SH3GL2: variants seen among roughly 807,000 people sequenced by gnomAD.
SH3GL2 encodes endophilin-A1.
SH3GL2 carries 24 observed loss-of-function variants against 46.0 expected under a neutral mutation model. The ratio of observed to expected loss-of-function variants is 0.52; its 90% CI spans 0.38 to 0.73. The LOEUF (loss-of-function observed/expected upper bound fraction) is 0.73, where lower values mean the gene tolerates loss of function less well. SH3GL2 is among the 30% of genes least tolerant of loss of function. The pLI, the probability that SH3GL2 is intolerant of heterozygous loss-of-function variation, is 0.00. For synonymous variants in SH3GL2, 196 were observed against 147.1 expected (o/e 1.33, Z -2.40); for missense variants, 413 against 424.2 (o/e 0.97, Z 0.23).
intron 1 of SH3GL2, among the ~76,000 whole-genome samples, chr9:17,682,334 A>G (rs758080313): frequency 6.6e-6 from 1 of 152,226 alleles, no homozygotes; most frequent in African/African-American, 2.4e-5. Context: ...GGTAGACTGG[A>G]TAAAGCAAAT....
intron 1 of SH3GL2, among the ~76,000 whole-genome samples, chr9:17,691,801 G>T (rs1227952118): frequency 6.6e-6 from 1 of 152,018 alleles, no homozygotes; most frequent in South Asian, 2.1e-4. Flanking sequence ...TATCTTGTCA[G>T]TATTTGATTT....
chr9:17,678,711 C>G (rs1306232160), intron 1 of SH3GL2, among the ~76,000 whole-genome samples: 1 of 152,132 alleles, frequency 6.6e-6, no homozygotes, highest in Non-Finnish European at 1.5e-5. Flanking sequence ...TTGCCCATGC[C>G]CATGTCCTGA....
chr9:17,732,084 G>C (rs1822200351), intron 1 of SH3GL2, among the ~76,000 whole-genome samples: 2 of 152,160 alleles, frequency 1.3e-5, no homozygotes, highest in African/African-American at 2.4e-5. Flanking sequence ...AATGACATGA[G>C]TGTTGAGTAG....
At chr9:17,762,122 TAGCAAAGCAA>T (rs375228746) in intron 3 of SH3GL2, among the ~76,000 whole-genome samples, 1 of 152,108 alleles carries the variant, frequency 6.6e-6, no homozygotes, top group African/African-American at 2.4e-5. Flanking sequence ...GCACTAGGTA[TAGCAAAGCAA>T]AGCAAAGCAA....
At chr9:17,634,113 C>A (rs1588191478) in intron 1 of SH3GL2, among the ~76,000 whole-genome samples, 1 of 152,130 alleles carries the variant, frequency 6.6e-6, no homozygotes, top group South Asian at 2.1e-4. Flanking sequence ...GAACTTTGGG[C>A]TCTTGAAGGG....
chr9:17,593,566 AC>A, intron 1 of SH3GL2, among the ~76,000 whole-genome samples: 1 of 152,332 alleles, frequency 6.6e-6, no homozygotes, highest in East Asian at 1.9e-4. Context: ...ACAAGAATGT[AC>A]CAACTGTCTT....
chr9:17,667,989 T>G (rs570346893), intron 1 of SH3GL2, among the ~76,000 whole-genome samples: 49 of 152,228 alleles, frequency 3.2e-4, no homozygotes, highest in Non-Finnish European at 6.5e-4. Flanking sequence ...TTTGCCCATT[T>G]TAAATATTGA....
At chr9:17,588,837 A>C (rs916871444) in intron 1 of SH3GL2, among the ~76,000 whole-genome samples, 1 of 152,230 alleles carries the variant, frequency 6.6e-6, no homozygotes, top group African/African-American at 2.4e-5. Context: ...ACAACAGCTG[A>C]AAATGAAGAG....
chr9:17,755,744 T>C lies in SH3GL2; in HGVS notation c.115-5693T>C, dbSNP rs549131364. ...AATAGTATGAAATCATATCTTTCAGTCCTTTTGTTGCTCCACAAACAACGC... is the reference window on the plus strand; with the variant it reads ...AATAGTATGAAATCATATCTTTCAGCCCTTTTGTTGCTCCACAAACAACGC... On this transcript the variant is annotated intron_variant, in intron 2 of 8. Coordinates refer to ENST00000380607, the MANE Select transcript of SH3GL2 (RefSeq NM_003026.5). 1.3e-5 allele frequency: 13 copies of C among 982,202 alleles called. No homozygotes were observed. In the East Asian group the frequency reaches 1.4e-3, roughly 103 times the overall value. 60.8% of individuals were successfully genotyped at this position (982,202 alleles called of 1,614,324 possible). A position where few individuals can be genotyped will look rare whatever the true frequency, so the allele number is the denominator to read the frequency against.
chr9:17,727,505 A>C (rs1038599425), intron 1 of SH3GL2, among the ~76,000 whole-genome samples: 1 of 152,150 alleles, frequency 6.6e-6, no homozygotes, highest in Non-Finnish European at 1.5e-5. Context: ...CATGCCCTCC[A>C]TGCCCTCCAG....
intron 1 of SH3GL2, among the ~76,000 whole-genome samples, chr9:17,732,558 G>A (rs1469482797): frequency 2.0e-5 from 3 of 152,076 alleles, no homozygotes; most frequent in Non-Finnish European, 2.9e-5. Flanking sequence ...TATAAACAAC[G>A]ATAGTTTAAA....
chr9:17,733,373 C>A (rs193179439), intron 1 of SH3GL2, among the ~76,000 whole-genome samples: 251 of 151,752 alleles, frequency 1.7e-3, no homozygotes, highest in Middle Eastern at 6.8e-3. Flanking sequence ...TGTGCTGCAC[C>A]CACTAACTTG....
chr9:17,749,570 TC>T (rs1315776602), intron 2 of SH3GL2, among the ~76,000 whole-genome samples: 2 of 152,298 alleles, frequency 1.3e-5, no homozygotes, highest in Non-Finnish European at 2.9e-5. Context: ...ATTTGACACT[TC>T]CTTTTAGCAT....
chr9:17,633,882 A>G (rs892406721), intron 1 of SH3GL2, among the ~76,000 whole-genome samples: 1 of 152,200 alleles, frequency 6.6e-6, no homozygotes, highest in African/African-American at 2.4e-5. Context: ...AAGGAAGCTA[A>G]AAGTTTTGAG....
intron 1 of SH3GL2, among the ~76,000 whole-genome samples, chr9:17,656,175 C>A (rs1388823302): frequency 1.5e-4 from 23 of 152,092 alleles, no homozygotes; most frequent in Admixed American, 1.5e-3. Context: ...GATCAGTACA[C>A]AATATTGTAT....
chr9:17,613,884 A>T (rs1184128267), intron 1 of SH3GL2, among the ~76,000 whole-genome samples: 1 of 152,118 alleles, frequency 6.6e-6, no homozygotes, highest in Non-Finnish European at 1.5e-5. Flanking sequence ...AGCTCATCTT[A>T]ATGCCACTAA....
intron 1 of SH3GL2, among the ~76,000 whole-genome samples, chr9:17,647,870 A>T (rs1287449407): frequency 6.6e-6 from 1 of 152,048 alleles, no homozygotes; most frequent in Non-Finnish European, 1.5e-5. Context: ...TTATATGCAG[A>T]TTTTCTTCCA....
At chr9:17,762,808 A>G (rs1588312260) in intron 3 of SH3GL2, among the ~76,000 whole-genome samples, 1 of 152,316 alleles carries the variant, frequency 6.6e-6, no homozygotes, top group East Asian at 1.9e-4. Flanking sequence ...ACAGAGATGC[A>G]AAGATCTCTT....
chr9:17,732,284 G>C (rs183734448), intron 1 of SH3GL2, among the ~76,000 whole-genome samples: 13 of 152,224 alleles, frequency 8.5e-5, no homozygotes, highest in Admixed American at 7.2e-4. Flanking sequence ...CACTGGAAGA[G>C]GCATATCTGG....
Sources: allele counts gnomAD v4.1 joint callset (sites outside exome capture counted in the v4.1 genomes callset), GRCh38; gene constraint gnomAD v4.1.1; transcripts MANE v1.5; gene names NCBI Gene and HGNC (gene_info 2026-07-23, HGNC 2026-07-21).